The following SNCG variants were observed in gnomAD, a reference collection of about 807,000 sequenced individuals.
SNCG encodes the protein synuclein gamma.
Under a neutral mutation model 16.0 loss-of-function variants are expected in SNCG, and 13 were observed. The observed-to-expected ratio is 0.81, with a 90% CI of 0.53 to 1.29. SNCG has a LOEUF of 1.29. SNCG is among the 50% of genes most tolerant of loss of function. The probability of loss-of-function intolerance (pLI) is 0.00; values close to 1 mark genes in which losing one functional copy is unlikely to be tolerated. For missense variants in SNCG, 154 were observed against 168.5 expected (o/e 0.91, Z 0.48); for synonymous variants, 66 against 66.3 (o/e 1.00, Z 0.02).
chr10:86,962,583 G>GC, intron 3 of SNCG, 21 bp from the exon 4 acceptor site: 2 of 1,589,874 alleles, frequency 1.3e-6, no homozygotes, highest in Non-Finnish European at 1.7e-6. Context: ...ATGGTCTCAT[G>GC]CCCCCTTTTG....
At chr10:86,957,373 CTT>C (rs1438828503), upstream of SNCG, 1 of 1,612,712 alleles carries the variant, frequency 6.2e-7, no homozygotes, top group Non-Finnish European at 8.5e-7. Flanking sequence ...TCCAGGCCCT[CTT>C]ACCGTCCTAC....
In SNCG at chr10:86,959,679, G is replaced by C. The variant is rs985427315; in HGVS notation, c.163+5G>C. 1 of 1,607,428 alleles carries C rather than the reference G, an allele frequency of 6.2e-7. No homozygotes were observed. Among genetic ancestry groups the C allele is most frequent in the African/African-American group, 1.3e-5 (1 of 74,860 alleles). On this transcript the variant is annotated splice_donor_5th_base_variant and intron_variant, in intron 2 of 4. Transcript: ENST00000372017. The surrounding 1 kb of genome is among the most constrained non-coding windows in gnomAD (Gnocchi z 4.3). The stretch of plus-strand genomic sequence containing the variant: ...TTGTACAGAGCGTGACCTCAGGTGA[G>C]AAGCCCCAGGGCCAGGGGACACATG...
chr10:86,961,866 C>T (rs1564738678), intron 3 of SNCG, among the ~76,000 whole-genome samples: 8 of 152,028 alleles, frequency 5.3e-5, no homozygotes, highest in African/African-American at 9.7e-5. Context: ...GTATCCCCGC[C>T]TCCCCCCCGT....
At chr10:86,957,881 G>A (rs1844263214), upstream of SNCG, 2 of 1,102,382 alleles carry the variant, frequency 1.8e-6, no homozygotes, top group Non-Finnish European at 2.2e-6. Context: ...ACTTCGAGGT[G>A]GGGCCACAGG....
chr10:86,957,428 A>G, upstream of SNCG: 1 of 1,613,784 alleles, frequency 6.2e-7, no homozygotes. Flanking sequence ...TCCAGACCCC[A>G]GGTGTCCTGG....
At chr10:86,962,162 G>GC (rs1259667862) in intron 3 of SNCG, among the ~76,000 whole-genome samples, 1 of 152,174 alleles carries the variant, frequency 6.6e-6, no homozygotes, top group East Asian at 1.9e-4. Context: ...GAGCTCGAAG[G>GC]CCCTGAGCTG....
At chr10:86,960,428 C>A (rs572562536) in intron 3 of SNCG, among the ~76,000 whole-genome samples, 1 of 152,132 alleles carries the variant, frequency 6.6e-6, no homozygotes, top group Non-Finnish European at 1.5e-5. Context: ...TAGGAGACAC[C>A]CCATTTTATA....
upstream of SNCG, chr10:86,958,025 C>A (rs1472192546): frequency 1.0e-6 from 1 of 985,318 alleles, no homozygotes; most frequent in East Asian, 1.1e-4. Flanking sequence ...TCTGGGGTCA[C>A]ACAGCATGCA....
chr10:86,958,509 T>TCCCCCC, upstream of SNCG: 1 of 310,614 alleles, frequency 3.2e-6, no homozygotes. Flanking sequence ...CCTCCCTCCC[T>TCCCCCC]CCCTCCCCGC....
At chr10:86,957,113 T>C (rs1264409431), upstream of SNCG, among the ~76,000 whole-genome samples, 1 of 152,198 alleles carries the variant, frequency 6.6e-6, no homozygotes, top group African/African-American at 2.4e-5. Flanking sequence ...TGCTGGGTGA[T>C]TGATGGTAGG....
At position 86,958,764 on chromosome 10, in the gene SNCG, A is replaced by G. The variant is rs770142696; in HGVS notation, c.67A>G (p.Lys23Glu). 12 of 1,613,708 alleles carry G rather than the reference A, an allele frequency of 7.4e-6. No individual in the cohort carries two copies. Among genetic ancestry groups the G allele is most frequent in the Non-Finnish European group, 9.3e-6 (11 of 1,179,800 alleles). ...EGVVGAVEKTKQGVTEAAEKT... is the reference protein window; with the variant it reads ...EGVVGAVEKTEQGVTEAAEKT... The stretch of plus-strand genomic sequence containing the variant: ...CGTGGTGGGTGCGGTGGAAAAGACC[A>G]AGCAGGGGGTGACGGAAGCAGCTGA... The change falls in exon 1 of 5, where the codon AAG becomes GAG. Residue 23 changes from lysine (K) to glutamate (E), a missense_variant. By Grantham distance (56) the Lys-to-Glu change is moderately conservative. Transcript: ENST00000372017.
In SNCG at chr10:86,959,843, C is replaced by G. The variant is rs1054831083; in HGVS notation, c.164-158C>G. 3.0e-6 allele frequency: 4 copies of G among 1,342,522 alleles called. No individual in the cohort carries two copies. The Admixed American group carries it at 9.3e-5, about 31-fold the overall frequency. The allele number at this position is 1,342,522 out of a possible 1,614,324, so 83.2% of individuals were successfully genotyped here. ...AAACTAGGGTGGGCGTCTCCTTACC[C>G]CCACCAGCATCAGAGGTGCCCTGGA... On this transcript the variant is annotated intron_variant, in intron 2 of 4. Transcript: ENST00000372017. The surrounding 1 kb of genome is among the most constrained non-coding windows in gnomAD (Gnocchi z 4.3).
chr10:86,959,845 C>T lies in SNCG; in HGVS notation c.164-156C>T. The T allele has an allele frequency of 3.0e-6, 4 of 1,345,748 alleles. No homozygotes were observed. The highest frequency in any genetic ancestry group is 4.0e-6 in the Non-Finnish European group (4 of 991,584). 83.4% of individuals were successfully genotyped at this position (1,345,748 alleles called of 1,614,324 possible). On this transcript the variant is annotated intron_variant, in intron 2 of 4. Transcript: ENST00000372017. This position sits in a 1 kb window ranked among gnomAD's most constrained non-coding sequence, Gnocchi z 4.3. The stretch of plus-strand genomic sequence containing the variant: ...ACTAGGGTGGGCGTCTCCTTACCCC[C>T]ACCAGCATCAGAGGTGCCCTGGAGT...
rs1395580856 is a variant in SNCG at position 86,962,493 on chromosome 10, G to A, written c.292-111G>A. On this transcript the variant is annotated intron_variant, in intron 3 of 4. Transcript: ENST00000372017. The stretch of plus-strand genomic sequence containing the variant: ...GCCCCTCCAAGTACAACAAGGCCAC[G>A]AGGGGCCTCTGCTCCTCCTTGAGGC... The A allele has an allele frequency of 2.9e-5, 20 of 700,050 alleles. No homozygotes were observed. In the East Asian group the frequency reaches 3.5e-4, roughly 12 times the overall value. The allele number at this position is 700,050 out of a possible 1,614,324, so 43.4% of individuals were successfully genotyped here.
At chr10:86,956,199 T>A (rs1021919035), upstream of SNCG, among the ~76,000 whole-genome samples, 2 of 93,048 alleles carry the variant, frequency 2.1e-5, no homozygotes, top group African/African-American at 8.5e-5. Context: ...CTCCCAGCCC[T>A]GAGCAGAGTT....
chr10:86,960,238 C>T (rs1844319753), intron 3 of SNCG, 110 bp downstream of exon 3: 8 of 1,104,260 alleles, frequency 7.2e-6, no homozygotes, highest in South Asian at 1.6e-5. Flanking sequence ...CGGGGGGCTG[C>T]GGCTGGCTTC....
upstream of SNCG, chr10:86,957,809 G>A (rs1199610468): frequency 4.0e-5 from 50 of 1,257,300 alleles, no homozygotes; most frequent in Admixed American, 8.2e-4. Context: ...TAGACATGGG[G>A]TGGCCCCACC....
intron 1 of SNCG, 78 bp downstream of exon 1, chr10:86,958,896 C>G: frequency 1.3e-6 from 2 of 1,483,298 alleles, no homozygotes; most frequent in Non-Finnish European, 1.8e-6. Flanking sequence ...GACCTTACTC[C>G]CCAGCCCCAG....
chr10:86,958,501 T>TCCCCCCCCCCCCCC, upstream of SNCG: 1 of 644,760 alleles, frequency 1.6e-6, no homozygotes, highest in Non-Finnish European at 2.2e-6. Context: ...CCTCCTTCCC[T>TCCCCCCCCCCCCCC]CCCTCCCTCC....
Sources: gnomAD v4.1 joint callset for allele counts (sites outside exome capture counted in the v4.1 genomes callset) on GRCh38, gnomAD v4.1.1 for gene constraint, Gnocchi (gnomAD v3.1) non-coding constraint, MANE v1.5 for transcripts, NCBI Gene and HGNC (gene_info 2026-07-23, HGNC 2026-07-21) for gene names.